IQCM: variants seen among roughly 807,000 people sequenced by gnomAD.
The protein encoded by IQCM is IQ domain-containing protein M.
In IQCM, 45 loss-of-function variants were observed where a neutral mutation model predicts 57.6. The ratio of observed to expected loss-of-function variants is 0.78; its 90% CI spans 0.62 to 1.00. The LOEUF (loss-of-function observed/expected upper bound fraction) is 1.00, where lower values mean the gene tolerates loss of function less well. IQCM is among the 50% of genes least tolerant of loss of function. IQCM has a pLI of 0.00. For missense variants in IQCM, 468 were observed against 511.6 expected (o/e 0.91, Z 0.82); for synonymous variants, 148 against 158.9 (o/e 0.93, Z 0.51).
chr4:149,697,920 T>G (rs564630994), intron 5 of IQCM, among the ~76,000 whole-genome samples: 1 of 152,256 alleles, frequency 6.6e-6, no homozygotes, highest in African/African-American at 2.4e-5. Flanking sequence ...GGAAACATTC[T>G]TATTCTCTTT....
At chr4:149,706,607 A>G (rs1044057100) in intron 5 of IQCM, among the ~76,000 whole-genome samples, 1 of 152,120 alleles carries the variant, frequency 6.6e-6, no homozygotes, top group East Asian at 1.9e-4. Flanking sequence ...TGTATATGTA[A>G]AACAGAAGTC....
intron 3 of IQCM, among the ~76,000 whole-genome samples, chr4:149,738,787 G>A (rs1173679241): frequency 6.6e-6 from 1 of 152,174 alleles, no homozygotes; most frequent in Non-Finnish European, 1.5e-5. Context: ...GAGGCACTGA[G>A]GTAGCTGTTC....
At chr4:149,773,554 G>A (rs774012532) in intron 2 of IQCM, among the ~76,000 whole-genome samples, 5 of 152,248 alleles carry the variant, frequency 3.3e-5, no homozygotes, top group Non-Finnish European at 5.9e-5. Flanking sequence ...GGCATAATGT[G>A]ATGTTAATAT....
intron 8 of IQCM, among the ~76,000 whole-genome samples, chr4:149,599,067 T>A (rs1401116549): frequency 6.6e-6 from 1 of 152,018 alleles, no homozygotes; most frequent in Non-Finnish European, 1.5e-5. Flanking sequence ...ATGTTAGGAG[T>A]GCTTGCCCTA....
intron 7 of IQCM, among the ~76,000 whole-genome samples, chr4:149,653,893 GA>G (rs907115163): frequency 6.6e-6 from 1 of 151,904 alleles, no homozygotes; most frequent in South Asian, 2.1e-4. Context: ...TTGTAACTGG[GA>G]AAAAAATGTA....
intron 12 of IQCM, among the ~76,000 whole-genome samples, chr4:149,529,359 C>T (rs1320718043): frequency 6.6e-6 from 1 of 152,194 alleles, no homozygotes; most frequent in Non-Finnish European, 1.5e-5. Flanking sequence ...GCCACCACAC[C>T]CAACCAGAAG....
At chr4:149,415,137 T>C (rs530755626) in intron 13 of IQCM, among the ~76,000 whole-genome samples, 25 of 152,348 alleles carry the variant, frequency 1.6e-4, no homozygotes, top group African/African-American at 5.8e-4. Context: ...AATGCCATCA[T>C]GTCACAGTTT....
chr4:149,414,686 T>G (rs927004598), intron 13 of IQCM, among the ~76,000 whole-genome samples: 133 of 152,198 alleles, frequency 8.7e-4, no homozygotes, highest in African/African-American at 3.0e-3. Context: ...AAGATTTATG[T>G]CATTAATCTT....
intron 13 of IQCM, among the ~76,000 whole-genome samples, chr4:149,408,813 G>C (rs1733164421): frequency 6.6e-6 from 1 of 152,044 alleles, no homozygotes; most frequent in African/African-American, 2.4e-5. Context: ...CATCTCCCCA[G>C]CTGATGCTCT....
chr4:149,430,497 C>T (rs767130864), intron 13 of IQCM, among the ~76,000 whole-genome samples: 6 of 151,946 alleles, frequency 3.9e-5, no homozygotes, highest in Admixed American at 6.6e-5. Flanking sequence ...CATCACCTCT[C>T]ATTTCTACTT....
At chr4:149,508,169 T>G (rs761864135) in intron 12 of IQCM, among the ~76,000 whole-genome samples, 1 of 151,930 alleles carries the variant, frequency 6.6e-6, no homozygotes, top group Non-Finnish European at 1.5e-5. Flanking sequence ...GGGGCCCTCA[T>G]GGAGAACCTC....
intron 7 of IQCM, among the ~76,000 whole-genome samples, chr4:149,680,244 T>C (rs1762082284): frequency 1.3e-5 from 2 of 151,412 alleles, no homozygotes; most frequent in African/African-American, 4.8e-5. Flanking sequence ...TTTTTCAGCA[T>C]ATTCAACCTT....
intron 13 of IQCM, among the ~76,000 whole-genome samples, chr4:149,421,623 AT>A (rs932049351): frequency 1.5e-4 from 23 of 151,166 alleles, no homozygotes; most frequent in South Asian, 8.4e-4. Flanking sequence ...GAGCCTCTAC[AT>A]TTTTTTTTGT....
chr4:149,473,132 T>A (rs1739770295), intron 12 of IQCM, among the ~76,000 whole-genome samples: 1 of 152,204 alleles, frequency 6.6e-6, no homozygotes, highest in Non-Finnish European at 1.5e-5. Context: ...TGGGAGCTAA[T>A]TAAACTCAAG....
chr4:149,797,351 G>A (rs2150041782), intron 2 of IQCM, among the ~76,000 whole-genome samples: 1 of 152,078 alleles, frequency 6.6e-6, no homozygotes, highest in South Asian at 2.1e-4. Context: ...TTGAAGACAG[G>A]CTATTTTAAA....
chr4:149,373,911 G>A (rs752631431), intron 13 of IQCM, among the ~76,000 whole-genome samples: 120 of 152,084 alleles, frequency 7.9e-4, no homozygotes, highest in Non-Finnish European at 2.1e-4. Flanking sequence ...ACAGAAATAA[G>A]GTGGAAACCT....
At chr4:149,542,016 C>T (rs1248801901) in intron 12 of IQCM, among the ~76,000 whole-genome samples, 1 of 151,896 alleles carries the variant, frequency 6.6e-6, no homozygotes, top group African/African-American at 2.4e-5. Context: ...AGAATATATA[C>T]CAGAAGCAAA....
intron 5 of IQCM, among the ~76,000 whole-genome samples, chr4:149,702,721 T>G (rs1343157885): frequency 6.6e-6 from 1 of 152,002 alleles, no homozygotes; most frequent in African/African-American, 2.4e-5. Flanking sequence ...TTTTAGTATC[T>G]GAAATTATTT....
intron 13 of IQCM, among the ~76,000 whole-genome samples, chr4:149,386,349 A>G (rs1731425092): frequency 6.6e-6 from 1 of 152,098 alleles, no homozygotes; most frequent in Admixed American, 6.6e-5. Flanking sequence ...CACAAAGTAT[A>G]GAGAATATGT....
Sources: allele counts gnomAD v4.1 joint callset (sites outside exome capture counted in the v4.1 genomes callset), GRCh38; gene constraint gnomAD v4.1.1; transcripts MANE v1.5; gene names NCBI Gene and HGNC (gene_info 2026-07-23, HGNC 2026-07-21).